Variants in DOCK10 observed in about 807,000 individuals in gnomAD.
DOCK10 encodes dedicator of cytokinesis protein 10.
A neutral mutation model predicts 280.1 loss-of-function variants in DOCK10; 145 were observed. That is an observed-to-expected ratio of 0.52 (90% confidence interval 0.45 to 0.59). The LOEUF (loss-of-function observed/expected upper bound fraction) is 0.59. DOCK10 is among the 20% of genes least tolerant of loss of function. The probability of loss-of-function intolerance (pLI) is 0.00; values close to 1 mark genes in which losing one functional copy is unlikely to be tolerated. For missense variants in DOCK10, 2,368 were observed against 2,651.7 expected, an observed-to-expected ratio of 0.89 and a Z score of 2.35; for synonymous variants, 915 against 942.2, an observed-to-expected ratio of 0.97 and a Z score of 0.53.
intron 1 of DOCK10, among the ~76,000 whole-genome samples, chr2:224,952,072 G>A (rs1703772021): frequency 6.6e-6 from 1 of 152,208 alleles, no homozygotes; most frequent in Admixed American, 6.5e-5. Context: ...AGGGCCTCAT[G>A]TGATCAGGCC....
intron 14 of DOCK10, among the ~76,000 whole-genome samples, chr2:224,858,371 A>G (rs1297136011): frequency 6.6e-6 from 1 of 151,936 alleles, no homozygotes; most frequent in Non-Finnish European, 1.5e-5. Context: ...TAAATATATA[A>G]CTGGTGGCTG....
In DOCK10 at chr2:224,890,620, C is replaced by A. The variant is rs183915348; in HGVS notation, c.417-4089G>T. 2.2e-3 allele frequency among the ~76,000 whole-genome samples: 329 copies of A among 152,276 alleles called. 1 individual carries two copies. The highest frequency in any genetic ancestry group is 0.014 in the Middle Eastern group (4 of 294). On this transcript the variant is annotated intron_variant, in intron 4 of 55. Transcript: ENST00000258390. Reference sequence around the variant, plus strand: ...AATGTTACTCAGAAAGGAAAAGAAGCTACTGATACGTGCAACAACGTGGAT... The same window carrying A: ...AATGTTACTCAGAAAGGAAAAGAAGATACTGATACGTGCAACAACGTGGAT...
At chr2:224,889,707 T>C (rs1699546749) in intron 4 of DOCK10, among the ~76,000 whole-genome samples, 1 of 152,216 alleles carries the variant, frequency 6.6e-6, no homozygotes, top group Non-Finnish European at 1.5e-5. Flanking sequence ...AGAGTTCTTT[T>C]AGGATCACTG....
intron 7 of DOCK10, among the ~76,000 whole-genome samples, chr2:224,882,045 G>A (rs1446082431): frequency 1.3e-5 from 2 of 152,184 alleles, no homozygotes; most frequent in Non-Finnish European, 2.9e-5. Flanking sequence ...TCAAGGAAAT[G>A]AGCCTTGTCC....
intron 50 of DOCK10, 200 bp from the exon 51 acceptor site, chr2:224,778,484 G>A (rs1424677096): frequency 3.3e-5 from 21 of 630,616 alleles, no homozygotes; most frequent in Admixed American, 2.6e-4. Flanking sequence ...AGACATTAAT[G>A]TAAATATTTC....
chr2:224,803,174 C>A (rs1693131627), intron 39 of DOCK10, among the ~76,000 whole-genome samples: 1 of 152,078 alleles, frequency 6.6e-6, no homozygotes, highest in South Asian at 2.1e-4. Context: ...TGAAATCTAA[C>A]CCACCACACA....
chr2:224,874,498 C>T, intron 9 of DOCK10, 149 bp from the exon 10 acceptor site: 1 of 920,640 alleles, frequency 1.1e-6, no homozygotes, highest in Non-Finnish European at 1.7e-6. Flanking sequence ...AGTATGTTTC[C>T]TTTTTGAGCC....
chr2:225,018,201 T>C (rs185010314), intron 1 of DOCK10, among the ~76,000 whole-genome samples: 2 of 152,266 alleles, frequency 1.3e-5, no homozygotes, highest in African/African-American at 4.8e-5. Flanking sequence ...CAACCATGTC[T>C]GTAGTCTCCT....
chr2:224,896,542 C>T (rs7604674), intron 3 of DOCK10, among the ~76,000 whole-genome samples, 165 bp from the exon 4 acceptor site: 26,749 of 152,054 alleles, frequency 0.18, 3,897 homozygotes, highest in African/African-American at 0.41. Flanking sequence ...AACCCCAAAA[C>T]TCCATCTCTA....
At chr2:224,935,875 G>T (rs2126044423) in intron 1 of DOCK10, among the ~76,000 whole-genome samples, 1 of 152,182 alleles carries the variant, frequency 6.6e-6, no homozygotes, top group East Asian at 1.9e-4. Flanking sequence ...CCTTTTCCGG[G>T]ATTCTATCTT....
intron 23 of DOCK10, 139 bp downstream of exon 23, chr2:224,841,665 T>C (rs1287272090): frequency 2.2e-5 from 11 of 505,786 alleles, no homozygotes; most frequent in Non-Finnish European, 3.2e-5. Flanking sequence ...ATAAAATCAT[T>C]TACTCTCTGA....
intron 1 of DOCK10, among the ~76,000 whole-genome samples, chr2:225,026,645 A>G (rs554956893): frequency 6.6e-6 from 1 of 152,306 alleles, no homozygotes; most frequent in South Asian, 2.1e-4. Context: ...TGAAGCAAGA[A>G]ACTGTGTTAG....
At chr2:224,777,553 G>A (rs1690966223) in intron 51 of DOCK10, among the ~76,000 whole-genome samples, 1 of 152,126 alleles carries the variant, frequency 6.6e-6, no homozygotes, top group Non-Finnish European at 1.5e-5. Context: ...GGACTTACAC[G>A]AGTGATCTGC....
chr2:224,930,215 AAAAAG>A (rs920857296), intron 2 of DOCK10, among the ~76,000 whole-genome samples: 8 of 148,126 alleles, frequency 5.4e-5, no homozygotes, highest in African/African-American at 1.5e-4. Flanking sequence ...AAAAAAAAAA[AAAAAG>A]AAAGAAAGAA....
chr2:224,964,043 A>G (rs895812909), intron 1 of DOCK10, among the ~76,000 whole-genome samples: 1 of 112,424 alleles, frequency 8.9e-6, no homozygotes, highest in Non-Finnish European at 1.9e-5. Context: ...TACATGTTAT[A>G]TTTTCGAAAT....
At chr2:224,884,391 C>T (rs1285248657) in intron 7 of DOCK10, among the ~76,000 whole-genome samples, 2 of 152,172 alleles carry the variant, frequency 1.3e-5, no homozygotes, top group Non-Finnish European at 2.9e-5. Flanking sequence ...AAGTACTTCT[C>T]TACTGGCCTG....
chr2:224,801,722 T>TAG, intron 40 of DOCK10, among the ~76,000 whole-genome samples, 194 bp downstream of exon 40: 1 of 152,202 alleles, frequency 6.6e-6, no homozygotes, highest in Admixed American at 6.5e-5. Flanking sequence ...ATATTGAGGG[T>TAG]TTTGCCTCTC....
chr2:224,898,797 G>T (rs1261348510), intron 3 of DOCK10, among the ~76,000 whole-genome samples: 1 of 152,104 alleles, frequency 6.6e-6, no homozygotes, highest in Non-Finnish European at 1.5e-5. Context: ...GGATGGTCTC[G>T]ATCTCCTGAC....
chr2:225,016,631 A>ATGTG (rs1559962957), intron 1 of DOCK10, among the ~76,000 whole-genome samples: 1 of 33,390 alleles, frequency 3.0e-5, no homozygotes, highest in African/African-American at 9.9e-5. Context: ...GCACATAGAT[A>ATGTG]CATATATCTA....
Sources: gnomAD v4.1 joint callset for allele counts (sites outside exome capture counted in the v4.1 genomes callset) on GRCh38, gnomAD v4.1.1 for gene constraint, MANE v1.5 for transcripts, NCBI Gene and HGNC (gene_info 2026-07-23, HGNC 2026-07-21) for gene names.